The following CACNA1A variants were observed in gnomAD, a reference collection of about 807,000 sequenced individuals.
CACNA1A encodes the protein calcium voltage-gated channel subunit alpha1 A.
A neutral mutation model predicts 262.4 loss-of-function variants in CACNA1A; 57 were observed. That is an observed-to-expected ratio of 0.22 (90% CI 0.18 to 0.27). The LOEUF (loss-of-function observed/expected upper bound fraction) is 0.27. CACNA1A is among the 10% of genes least tolerant of loss of function. The pLI is 1.00. For synonymous variants in CACNA1A, 1,431 were observed against 1,419.3 expected (o/e 1.01, Z -0.18); for missense variants, 2,526 against 3,562.8 (o/e 0.71, Z 7.41).
chr19:13,262,234 C>T (rs554509715), intron 25 of CACNA1A: 1 of 156,526 alleles, frequency 6.4e-6, no homozygotes, highest in African/African-American at 2.4e-5. Context: ...ATACTGGGGA[C>T]CCCCAGGTGA....
At chr19:13,336,636 A>AGAGAGAGAGAGAGAGG (rs1568547642) in intron 6 of CACNA1A, among the ~76,000 whole-genome samples, 1 of 150,588 alleles carries the variant, frequency 6.6e-6, no homozygotes, top group South Asian at 2.1e-4. Context: ...AGAGAGAGAG[A>AGAGAGAGAGAGAGAGG]GAGAAAAGAA....
intron 6 of CACNA1A, among the ~76,000 whole-genome samples, chr19:13,343,203 C>A (rs1416647421): frequency 6.6e-6 from 1 of 151,850 alleles, no homozygotes. Flanking sequence ...CTCACTGCAA[C>A]CTCCACCTCC....
intron 1 of CACNA1A, among the ~76,000 whole-genome samples, chr19:13,478,944 T>C (rs1220125834): frequency 2.0e-5 from 3 of 152,158 alleles, no homozygotes. Context: ...AAGGCTGAGG[T>C]GGGTGGATCA....
chr19:13,370,760 T>G (rs1430888420), intron 4 of CACNA1A: 2 of 147,452 alleles, frequency 1.4e-5, no homozygotes, highest in Non-Finnish European at 3.0e-5. Flanking sequence ...AAAAAATTTG[T>G]AGATATTGGC....
intron 10 of CACNA1A, among the ~76,000 whole-genome samples, chr19:13,325,933 A>G (rs1281105222): frequency 2.0e-5 from 3 of 152,192 alleles, no homozygotes; most frequent in African/African-American, 7.2e-5. Flanking sequence ...CTCTCTGAGC[A>G]ATTTTCAAGT....
chr19:13,406,533 C>T (rs1209172322), intron 3 of CACNA1A, among the ~76,000 whole-genome samples: 2 of 121,190 alleles, frequency 1.7e-5, no homozygotes, highest in African/African-American at 6.0e-5. Flanking sequence ...TGATCCCTAA[C>T]ATTAGTGGAA....
At chr19:13,332,984 A>G in intron 8 of CACNA1A, 59 bp from the exon 9 acceptor site, 3 of 1,371,696 alleles carry the variant, frequency 2.2e-6, no homozygotes, top group Non-Finnish European at 3.1e-6. Flanking sequence ...TCTCCCTTGG[A>G]CCAGGAAGAA....
intron 3 of CACNA1A, among the ~76,000 whole-genome samples, chr19:13,408,411 G>T (rs2060050864): frequency 6.6e-6 from 1 of 152,272 alleles, no homozygotes; most frequent in Non-Finnish European, 1.5e-5. Context: ...AATGAATGAA[G>T]AAATAAATGG....
rs143355015 is a variant in CACNA1A, at chr19:13,449,350, A to G, written c.539+3526T>C. On this transcript the variant is annotated intron_variant, in intron 3 of 46. Transcript: ENST00000360228. ...GGACAGGGTCTTGCTCTGTTGCCCAAGCTGGAGTGCAGTCATAGCTCACTA... is the reference window on the plus strand; with the variant it reads ...GGACAGGGTCTTGCTCTGTTGCCCAGGCTGGAGTGCAGTCATAGCTCACTA... Among the ~76,000 whole-genome samples, 126 of 151,728 alleles carry G rather than the reference A, an allele frequency of 8.3e-4. 1 individual carries two copies. The highest frequency in any genetic ancestry group is 2.9e-3 in the African/African-American group (120 of 41,366).
chr19:13,497,501 A>C (rs1981685341), intron 1 of CACNA1A, among the ~76,000 whole-genome samples: 1 of 33,954 alleles, frequency 2.9e-5, no homozygotes, highest in Non-Finnish European at 5.1e-5. Context: ...AAAAAAAAAA[A>C]AAAAAAAAAA....
chr19:13,484,698 T>G (rs1194387840), intron 1 of CACNA1A, among the ~76,000 whole-genome samples: 4 of 152,358 alleles, frequency 2.6e-5, no homozygotes, highest in African/African-American at 7.2e-5. Context: ...TTCAGTAGCC[T>G]GACAGTGCCT....
chr19:13,325,268 G>A (rs1007428572), intron 10 of CACNA1A, among the ~76,000 whole-genome samples: 3 of 150,458 alleles, frequency 2.0e-5, no homozygotes, highest in African/African-American at 7.4e-5. Context: ...GGAGGCCAAG[G>A]TGGGAGGCTC....
At chr19:13,495,373 T>C (rs568591781) in intron 1 of CACNA1A, among the ~76,000 whole-genome samples, 8 of 152,244 alleles carry the variant, frequency 5.3e-5, no homozygotes, top group Admixed American at 2.6e-4. Flanking sequence ...CTTGGCTCAC[T>C]GCAAGCTCCA....
intron 3 of CACNA1A, among the ~76,000 whole-genome samples, chr19:13,395,752 C>T (rs1291456066): frequency 6.6e-6 from 1 of 151,980 alleles, no homozygotes; most frequent in African/African-American, 2.4e-5. Flanking sequence ...ATCAAGACAG[C>T]CCCCTTATTC....
At chr19:13,223,376 A>T (rs2055307777) in intron 38 of CACNA1A, among the ~76,000 whole-genome samples, 1 of 151,978 alleles carries the variant, frequency 6.6e-6, no homozygotes, top group South Asian at 2.1e-4. Flanking sequence ...TATTTTTAGT[A>T]GAGACGGGGG....
In CACNA1A at chr19:13,207,378, G is replaced by A. The variant is rs766678523; in HGVS notation, c.7456C>T (p.Arg2486Cys). 3.2e-6 allele frequency: 5 copies of A among 1,546,792 alleles called. No homozygotes were observed. Among genetic ancestry groups the A allele is most frequent in the Non-Finnish European group, 3.5e-6 (4 of 1,152,912 alleles). The change falls in exon 47 of 47, where the codon CGC becomes TGC. Residue 2486 changes from arginine (R) to cysteine (C), a missense_variant. This residue lies in a region of CACNA1A where 929 missense variants were observed against 868.1 expected (regional missense o/e 1.07). Coordinates refer to ENST00000360228, the MANE Select transcript of CACNA1A (RefSeq NM_001127222.2). The surrounding 1 kb of genome is among the most constrained non-coding windows in gnomAD (Gnocchi z 5.7). Reference sequence around the variant, plus strand: ...AGGCCCTTCCTGGAGCCCGGCCCGCGGGGCCTGGCCAGTCCGTGCGCCGGG... The same window carrying A: ...AGGCCCTTCCTGGAGCCCGGCCCGCAGGGCCTGGCCAGTCCGTGCGCCGGG... ...YYPAHGLARP[R>C]GPGSRKGLHE...
intron 24 of CACNA1A, among the ~76,000 whole-genome samples, chr19:13,266,989 C>G (rs1488024785): frequency 2.0e-5 from 3 of 152,162 alleles, no homozygotes; most frequent in Admixed American, 6.5e-5. Context: ...TTGGCAAGAC[C>G]CTTTGGGATG....
At chr19:13,305,177 C>T (rs1242816597) in intron 15 of CACNA1A, among the ~76,000 whole-genome samples, 1 of 152,170 alleles carries the variant, frequency 6.6e-6, no homozygotes, top group African/African-American at 2.4e-5. Flanking sequence ...GTAACCGGGG[C>T]TTGGTCTTGC....
At chr19:13,332,754 A>C in intron 9 of CACNA1A, 115 bp downstream of exon 9, 1 of 564,356 alleles carries the variant, frequency 1.8e-6, no homozygotes, top group Non-Finnish European at 3.2e-6. Flanking sequence ...TCCAAGAGGA[A>C]CGTCTACCCT....
Sources: allele counts gnomAD v4.1 joint callset (sites outside exome capture counted in the v4.1 genomes callset), GRCh38; gene constraint gnomAD v4.1.1; regional missense constraint gnomAD v4.1.1; non-coding constraint Gnocchi (gnomAD v3.1); transcripts MANE v1.5; gene names NCBI Gene and HGNC (gene_info 2026-07-23, HGNC 2026-07-21).